The following CHERP variants were observed in gnomAD, a reference collection of about 807,000 sequenced individuals.
CHERP encodes the protein ERPROT 213-21.
CHERP carries 8 observed loss-of-function variants against 113.8 expected under a neutral mutation model. The ratio of observed to expected loss-of-function variants is 0.07; its 90% CI spans 0.04 to 0.13. The LOEUF (loss-of-function observed/expected upper bound fraction) is 0.13. Among genes scored for constraint, CHERP ranks in the 10% least tolerant of loss-of-function variants. The pLI, the probability that CHERP is intolerant of heterozygous loss-of-function variation, is 1.00. For synonymous variants in CHERP, 559 were observed against 524.5 expected (o/e 1.07, Z -0.90); for missense variants, 884 against 1,298.2 (o/e 0.68, Z 4.90).
At position 16,521,390 on chromosome 19, in the gene CHERP, C is replaced by T. The variant is rs562994155; in HGVS notation, c.2114+131G>A. On this transcript the variant is annotated intron_variant, in intron 12 of 16. Transcript: ENST00000546361. ...CTGTGCCTGTGACACACACTTGTCA[C>T]TCAGGCGGGGGGAGGGCAGTTTCTC... The T allele has an allele frequency of 1.2e-5, 9 of 779,024 alleles. No homozygotes were observed. The South Asian group carries it at 1.8e-4, about 16-fold the overall frequency. The allele number at this position is 779,024 out of a possible 1,614,324, so 48.3% of individuals were successfully genotyped here. A position where few individuals can be genotyped will look rare whatever the true frequency, so the allele number is the denominator to read the frequency against.
chr19:16,529,969 A>G, intron 7 of CHERP, 69 bp from the exon 8 acceptor site: 20 of 1,533,632 alleles, frequency 1.3e-5, no homozygotes, highest in Non-Finnish European at 1.8e-5. Context: ...GCCAGAGGAC[A>G]AACGCCTGGA....
At position 16,525,631 on chromosome 19, in the gene CHERP, TG is replaced by T; in HGVS notation, c.1351del (p.His451ThrfsTer204). 1 of 1,530,620 alleles carries T rather than the reference TG, an allele frequency of 6.5e-7. No individual in the cohort carries two copies. The highest frequency in any genetic ancestry group is 8.8e-7 in the Non-Finnish European group (1 of 1,141,284). The allele number at this position is 1,530,620 out of a possible 1,614,324, so 94.8% of individuals were successfully genotyped here. ...ATGGCTGTTGTTCCAGGGGGGGCAG[TG>T]GGGTGGGCCGCCCTGGTGGTGCGGG... Reference protein sequence around the residue: ...PYPHHQGGPPHCPPWNNSHEG... With the variant: ...PYPHHQGGPPXCPPWNNSHEG... On this transcript the variant is annotated frameshift_variant, in exon 10 of 17. Transcript: ENST00000546361. LOFTEE classifies it high-confidence loss of function. This position sits in a 1 kb window ranked among gnomAD's most constrained non-coding sequence, Gnocchi z 6.5.
chr19:16,527,605 C>T (rs918718182), intron 9 of CHERP, among the ~76,000 whole-genome samples: 5 of 152,236 alleles, frequency 3.3e-5, no homozygotes, highest in African/African-American at 9.6e-5. Context: ...AAGGTGGCCC[C>T]TGCCTTGGCC....
At chr19:16,533,988 C>T (rs889211343) in intron 3 of CHERP, among the ~76,000 whole-genome samples, 5 of 151,644 alleles carry the variant, frequency 3.3e-5, no homozygotes, top group Non-Finnish European at 7.4e-5. Context: ...TACGGCTGGT[C>T]AAGGCAGGCC....
chr19:16,534,622 T>C (rs1399354070), intron 3 of CHERP, among the ~76,000 whole-genome samples: 1 of 151,904 alleles, frequency 6.6e-6, no homozygotes, highest in Non-Finnish European at 1.5e-5. Flanking sequence ...ATTACAGGCG[T>C]GCACCACCAC....
At chr19:16,539,389 C>T (rs576015735) in intron 2 of CHERP, among the ~76,000 whole-genome samples, 5 of 152,114 alleles carry the variant, frequency 3.3e-5, no homozygotes, top group African/African-American at 7.2e-5. Flanking sequence ...CCTCGTGATC[C>T]GCCCGCCTCG....
At chr19:16,526,668 C>T (rs138073506) in intron 9 of CHERP, among the ~76,000 whole-genome samples, 2,081 of 152,188 alleles carry the variant, frequency 0.014, 48 homozygotes, top group African/African-American at 0.048. Flanking sequence ...GGTTTCACCA[C>T]GTTGGCCAGG....
Position 16,525,312 on chromosome 19 carries a change from C to T in CHERP, c.1671G>A (p.Pro557=), listed in dbSNP as rs539098917. ...FPPRFMQDDF[P]PRHPFERPPY... The stretch of plus-strand genomic sequence containing the variant: ...GCGGCCGCTCGAAGGGGTGCCGTGG[C>T]GGGAAGTCGTCCTGCATGAAGCGGG... Residue 557 remains proline (P), a synonymous_variant, in exon 10 of 17, where the codon CCG becomes CCA. Transcript: ENST00000546361. The surrounding 1 kb of genome is among the most constrained non-coding windows in gnomAD (Gnocchi z 6.5). 1.1e-5 allele frequency: 16 copies of T among 1,455,806 alleles called. No individual in the cohort carries two copies. In the African/African-American group the frequency reaches 1.2e-4, roughly 11 times the overall value. 90.2% of individuals were successfully genotyped at this position (1,455,806 alleles called of 1,614,324 possible).
chr19:16,523,360 G>A lies in CHERP; in HGVS notation c.1742-70C>T. On this transcript the variant is annotated intron_variant, in intron 10 of 16. Coordinates refer to ENST00000546361, the MANE Select transcript of CHERP (RefSeq NM_006387.6). The surrounding 1 kb of genome is among the most constrained non-coding windows in gnomAD (Gnocchi z 4.0). ...CTCCCAGGCGACAAGTGCTGGAGGG[G>A]AGGGGCTCAGTGAAGGGCCAGGAGA... is the stretch of plus-strand genomic sequence containing the variant. The A allele has an allele frequency of 1.3e-6, 2 of 1,571,684 alleles. No individual in the cohort carries two copies. The highest frequency in any genetic ancestry group is 1.7e-6 in the Non-Finnish European group (2 of 1,157,832).
intron 2 of CHERP, among the ~76,000 whole-genome samples, chr19:16,536,147 C>T (rs549077340): frequency 9.7e-4 from 148 of 152,308 alleles, no homozygotes; most frequent in Non-Finnish European, 1.5e-3. Context: ...GCGCACACTG[C>T]GGCCTCCCCC....
intron 8 of CHERP, 146 bp downstream of exon 8, chr19:16,529,502 G>T: frequency 1.0e-6 from 1 of 987,420 alleles, no homozygotes; most frequent in Non-Finnish European, 1.5e-6. Flanking sequence ...GCTTGTAAAT[G>T]GATGAAAACC....
chr19:16,525,516 G>C lies in CHERP; in HGVS notation c.1467C>G (p.Asn489Lys). 6.4e-7 allele frequency: 1 copy of C among 1,551,442 alleles called. No individual in the cohort carries two copies. The highest frequency in any genetic ancestry group is 8.7e-7 in the Non-Finnish European group (1 of 1,150,368). The change falls in exon 10 of 17, where the codon AAC becomes AAG. Residue 489 changes from asparagine (N) to lysine (K), a missense_variant. Transcript: ENST00000546361. The surrounding 1 kb of genome is among the most constrained non-coding windows in gnomAD (Gnocchi z 6.5). ...TGTTCCAGGGGCCCTCGAACTGGCT[G>C]TTCCAGGCGGCGTCGGGCTGGTTGT... ...PWNNQPDAAW[N>K]SQFEGPWNSQ...
At chr19:16,539,629 C>T (rs1382073325) in intron 2 of CHERP, 1 of 152,170 alleles carries the variant, frequency 6.6e-6, no homozygotes, top group Non-Finnish European at 1.5e-5. Context: ...CCAAACTTTT[C>T]CCCTGGCAGT....
At chr19:16,541,767 A>G (rs374944731) in intron 2 of CHERP, 103 bp downstream of exon 2, 1 of 1,275,946 alleles carries the variant, frequency 7.8e-7, no homozygotes, top group Non-Finnish European at 1.1e-6. Flanking sequence ...CTCCACTTCA[A>G]AGAATAAACG....
chr19:16,534,277 C>T (rs1220590561), intron 3 of CHERP, among the ~76,000 whole-genome samples: 2 of 152,076 alleles, frequency 1.3e-5, no homozygotes, highest in Non-Finnish European at 2.9e-5. Flanking sequence ...GTCTCAAACT[C>T]CTGACCCTGT....
At position 16,523,351 on chromosome 19, in the gene CHERP, G is replaced by A; in HGVS notation, c.1742-61C>T. 1 of 1,587,936 alleles carries A rather than the reference G, an allele frequency of 6.3e-7. No homozygotes were observed. The highest frequency in any genetic ancestry group is 8.6e-7 in the Non-Finnish European group (1 of 1,169,366). On this transcript the variant is annotated intron_variant, in intron 10 of 16. Coordinates refer to ENST00000546361, the MANE Select transcript of CHERP (RefSeq NM_006387.6). The surrounding 1 kb of genome is among the most constrained non-coding windows in gnomAD (Gnocchi z 4.0). ...AGTCAGGATCTCCCAGGCGACAAGT[G>A]CTGGAGGGGAGGGGCTCAGTGAAGG...
At chr19:16,524,549 C>A (rs145097277) in intron 10 of CHERP, among the ~76,000 whole-genome samples, 1 of 94,800 alleles carries the variant, frequency 1.1e-5, no homozygotes, top group Admixed American at 8.9e-5. Context: ...GGGTGAGACT[C>A]TGTCTCAAAA....
chr19:16,536,102 C>T (rs1035460628), intron 2 of CHERP, among the ~76,000 whole-genome samples: 2 of 152,200 alleles, frequency 1.3e-5, no homozygotes, highest in Non-Finnish European at 2.9e-5. Flanking sequence ...GGCCTCTGCA[C>T]ATCTGGCCAG....
intron 2 of CHERP, among the ~76,000 whole-genome samples, chr19:16,539,305 G>A (rs967498580): frequency 1.9e-4 from 29 of 151,872 alleles, no homozygotes; most frequent in Non-Finnish European, 7.4e-5. Context: ...CCGCTACCAC[G>A]CCTGGCTAAT....
Sources: gnomAD v4.1 joint callset for allele counts (sites outside exome capture counted in the v4.1 genomes callset) on GRCh38, gnomAD v4.1.1 for gene constraint, Gnocchi (gnomAD v3.1) non-coding constraint, MANE v1.5 for transcripts, NCBI Gene and HGNC (gene_info 2026-07-23, HGNC 2026-07-21) for gene names.